The following UBE3C variants were observed in gnomAD, a reference collection of about 807,000 sequenced individuals.
UBE3C encodes the protein ubiquitin-protein ligase E3C.
A neutral mutation model predicts 129.4 loss-of-function variants in UBE3C; 42 were observed. The observed-to-expected ratio is 0.32, with a 90% CI of 0.25 to 0.42. UBE3C has a LOEUF of 0.42. Ranked by LOEUF, UBE3C falls within the 10% of genes least tolerant of loss-of-function variation. The probability of loss-of-function intolerance (pLI) is 1.00; values close to 1 mark genes in which losing one functional copy is unlikely to be tolerated. For missense variants in UBE3C, 1,049 were observed against 1,319.1 expected, an observed-to-expected ratio of 0.80 and a Z score of 3.17; for synonymous variants, 510 against 492.4, an observed-to-expected ratio of 1.04 and a Z score of -0.47.
chr7:157,212,844 A>G (rs1366676760), intron 13 of UBE3C, among the ~76,000 whole-genome samples: 3 of 151,668 alleles, frequency 2.0e-5, no homozygotes, highest in African/African-American at 7.3e-5. Flanking sequence ...TGCAACCTCC[A>G]CCCCCCAGGC....
At position 157,266,483 on chromosome 7, in the gene UBE3C, A is replaced by G. The variant is rs539676628; in HGVS notation, c.3082-1102A>G. ...ATTCCCTTAATCATCGTGGAGATCC[A>G]CTTCTCGTGAGTCATCTCCCCACAA... On this transcript the variant is annotated intron_variant, in intron 22 of 22. Transcript: ENST00000348165. Among the ~76,000 whole-genome samples, 7 of 152,248 alleles carry G rather than the reference A, an allele frequency of 4.6e-5. 1 individual carries two copies. The highest frequency in any genetic ancestry group is 7.4e-5 in the Non-Finnish European group (5 of 68,022).
intron 1 of UBE3C, among the ~76,000 whole-genome samples, chr7:157,161,924 G>A (rs1808081362): frequency 6.6e-6 from 1 of 151,844 alleles, no homozygotes; most frequent in Non-Finnish European, 1.5e-5. Context: ...ATACAAGTTA[G>A]CCAGGTGTGA....
intron 1 of UBE3C, among the ~76,000 whole-genome samples, chr7:157,159,638 C>T (rs762890583): frequency 6.6e-5 from 10 of 152,166 alleles, no homozygotes; most frequent in Admixed American, 1.3e-4. Flanking sequence ...GAGGCTGAGA[C>T]GGGTGGATCA....
chr7:157,203,094 C>A (rs1034171821), intron 11 of UBE3C, among the ~76,000 whole-genome samples: 3 of 152,202 alleles, frequency 2.0e-5, no homozygotes, highest in African/African-American at 7.2e-5. Flanking sequence ...GCACAGTCAG[C>A]CCCTTTATGA....
At chr7:157,262,826 T>C (rs1373395510) in intron 22 of UBE3C, among the ~76,000 whole-genome samples, 1 of 152,176 alleles carries the variant, frequency 6.6e-6, no homozygotes, top group Non-Finnish European at 1.5e-5. Flanking sequence ...GAAATGTGGG[T>C]GTGGCCAGTT....
chr7:157,153,223 C>T (rs959340014), intron 1 of UBE3C, among the ~76,000 whole-genome samples: 2 of 152,020 alleles, frequency 1.3e-5, no homozygotes, highest in Non-Finnish European at 2.9e-5. Flanking sequence ...CAAAATTGTT[C>T]AGTTTTGTAC....
At chr7:157,187,352 C>G (rs1050320017) in intron 10 of UBE3C, among the ~76,000 whole-genome samples, 1 of 149,984 alleles carries the variant, frequency 6.7e-6, no homozygotes, top group African/African-American at 2.5e-5. Context: ...TCTTTTTAGG[C>G]TTTTTTCATA....
intron 10 of UBE3C, among the ~76,000 whole-genome samples, chr7:157,195,694 C>T (rs1215786706): frequency 2.6e-5 from 4 of 152,150 alleles, no homozygotes; most frequent in Non-Finnish European, 5.9e-5. Context: ...CAGATCCTCT[C>T]CCAAATTTAG....
rs1026258904 is a variant in UBE3C, at chr7:157,192,730, C to G, written c.1331+5709C>G. 4.4e-5 allele frequency: 39 copies of G among 888,702 alleles called. 1 individual carries two copies. Among genetic ancestry groups the G allele is most frequent in the South Asian group, 7.9e-5 (6 of 75,532 alleles). The allele number at this position is 888,702 out of a possible 1,614,324, so 55.1% of individuals were successfully genotyped here. On this transcript the variant is annotated intron_variant, in intron 10 of 22. Coordinates refer to ENST00000348165, the MANE Select transcript of UBE3C (RefSeq NM_014671.3). ...AGCTGCCTTCGTCGAGAGTGCCCTT[C>G]TGATGAATGTGGTGCTGGAGTGTTT...
At position 157,138,955 on chromosome 7, in the gene UBE3C, C is replaced by T. The variant is rs1807340107; in HGVS notation, c.-318C>T. On this transcript the variant is annotated 5_prime_UTR_variant, in exon 1 of 23. Transcript: ENST00000348165. ...GCACTGACGGCTGACCGCCATCTTC[C>T]CTCCCGAGGCGGCAGTTCCAGGTGC... is the stretch of plus-strand genomic sequence containing the variant. The T allele has an allele frequency of 6.6e-6, 1 of 152,112 alleles. No homozygotes were observed. The highest frequency in any genetic ancestry group is 2.4e-5 in the African/African-American group (1 of 41,416). 9.4% of individuals were successfully genotyped at this position (152,112 alleles called of 1,614,324 possible).
chr7:157,167,914 A>T (rs1313613702), intron 2 of UBE3C, among the ~76,000 whole-genome samples: 5 of 152,180 alleles, frequency 3.3e-5, no homozygotes, highest in African/African-American at 1.2e-4. Context: ...ATGATGAAGA[A>T]CGCATATTTT....
In UBE3C at chr7:157,236,913, G is replaced by A. The variant is rs1055518554; in HGVS notation, c.2481+5586G>A. Among the ~76,000 whole-genome samples, 39 of 151,984 alleles carry A rather than the reference G, an allele frequency of 2.6e-4. 1 individual carries two copies. Among genetic ancestry groups the A allele is most frequent in the Admixed American group, 2.4e-3 (36 of 15,272 alleles). On this transcript the variant is annotated intron_variant, in intron 18 of 22. Transcript: ENST00000348165. ...TGCCCGGCTAATTTTTGTATTTTTA[G>A]TAGAGACGGGGTTTCATCATGTTGG...
intron 16 of UBE3C, among the ~76,000 whole-genome samples, chr7:157,224,792 A>ACACACT (rs769953235): frequency 0.022 from 3,081 of 139,180 alleles, 90 homozygotes; most frequent in African/African-American, 0.079. Flanking sequence ...ACACACACAC[A>ACACACT]CTCTCTCTCT....
intron 14 of UBE3C, 100 bp downstream of exon 14, chr7:157,217,071 A>G (rs188308661): frequency 3.6e-5 from 31 of 852,280 alleles, no homozygotes; most frequent in Non-Finnish European, 5.4e-5. Context: ...TATTTATTTT[A>G]TGACTCATAT....
intron 18 of UBE3C, among the ~76,000 whole-genome samples, chr7:157,241,894 G>C (rs1796339190): frequency 6.6e-6 from 1 of 152,208 alleles, no homozygotes; most frequent in Non-Finnish European, 1.5e-5. Flanking sequence ...TCTGCCCGGT[G>C]AGAGCAGATG....
intron 10 of UBE3C, among the ~76,000 whole-genome samples, chr7:157,196,977 AG>A (rs984949309): frequency 2.0e-5 from 3 of 152,238 alleles, no homozygotes; most frequent in African/African-American, 7.2e-5. Context: ...CTCAAAAAAA[AG>A]AATTGCTGAA....
rs1038895940 is a variant in UBE3C, at chr7:157,168,313, C to T, written c.121-735C>T. Among the ~76,000 whole-genome samples, 6 of 139,062 alleles carry T rather than the reference C, an allele frequency of 4.3e-5. No individual in the cohort carries two copies. In the South Asian group the frequency reaches 1.1e-3, roughly 26 times the overall value. 91.2% of individuals were successfully genotyped at this position (139,062 alleles called of 152,430 possible). The stretch of plus-strand genomic sequence containing the variant: ...TTGCAGTGAGCTGAGATCAAGTGGG[C>T]GACAGAGCAAGACTCTGTCTCAAAA... On this transcript the variant is annotated intron_variant, in intron 2 of 22. Transcript: ENST00000348165.
intron 22 of UBE3C, among the ~76,000 whole-genome samples, chr7:157,264,440 T>C (rs1477464953): frequency 1.6e-5 from 2 of 124,188 alleles, no homozygotes; most frequent in Non-Finnish European, 3.2e-5. Context: ...ACTACAGGTG[T>C]GAGCCAACAT....
intron 1 of UBE3C, among the ~76,000 whole-genome samples, chr7:157,144,167 G>T (rs553478790): frequency 6.6e-6 from 1 of 152,344 alleles, no homozygotes; most frequent in Non-Finnish European, 1.5e-5. Context: ...ATGCTGTGGC[G>T]CACGCCTACA....
Sources: allele counts gnomAD v4.1 joint callset (sites outside exome capture counted in the v4.1 genomes callset), GRCh38; gene constraint gnomAD v4.1.1; transcripts MANE v1.5; gene names NCBI Gene and HGNC (gene_info 2026-07-23, HGNC 2026-07-21).